The following TMEM154 variants were observed in gnomAD, a reference collection of about 807,000 sequenced individuals.
The protein encoded by TMEM154 is transmembrane protein 154.
TMEM154 carries 27 observed loss-of-function variants against 24.5 expected under a neutral mutation model. The observed-to-expected ratio is 1.10, with a 90% CI of 0.81 to 1.52. TMEM154 has a LOEUF of 1.52. TMEM154 is among the 40% of genes most tolerant of loss of function. TMEM154 has a pLI of 0.00. For missense variants in TMEM154, 228 were observed against 213.4 expected (o/e 1.07, Z -0.43); for synonymous variants, 67 against 76.8 (o/e 0.87, Z 0.67).
intron 3 of TMEM154, among the ~76,000 whole-genome samples, chr4:152,649,454 C>T (rs1029270906): frequency 5.9e-5 from 9 of 152,106 alleles, no homozygotes; most frequent in East Asian, 3.9e-4. Context: ...AATTGGTTTT[C>T]GGATTGATGT....
intron 1 of TMEM154, among the ~76,000 whole-genome samples, chr4:152,677,167 G>T (rs1728965357): frequency 6.6e-6 from 1 of 152,174 alleles, no homozygotes; most frequent in African/African-American, 2.4e-5. Context: ...TCCCAGAAAA[G>T]CTGCTTTCTT....
At chr4:152,675,310 A>G (rs773067129) in intron 1 of TMEM154, among the ~76,000 whole-genome samples, 1 of 152,106 alleles carries the variant, frequency 6.6e-6, no homozygotes, top group Non-Finnish European at 1.5e-5. Context: ...AGGGAAAAAA[A>G]CCCAAAGCAC....
intron 3 of TMEM154, among the ~76,000 whole-genome samples, chr4:152,646,068 C>T (rs1404750432): frequency 9.2e-5 from 14 of 151,964 alleles, no homozygotes; most frequent in Non-Finnish European, 1.6e-4. Context: ...CACAATTGAA[C>T]ATCCCTGCAG....
At chr4:152,652,107 A>G (rs1288367861) in intron 3 of TMEM154, among the ~76,000 whole-genome samples, 1 of 152,084 alleles carries the variant, frequency 6.6e-6, no homozygotes, top group East Asian at 1.9e-4. Context: ...TATCAAAGAT[A>G]ACTGATCACA....
intron 3 of TMEM154, among the ~76,000 whole-genome samples, chr4:152,644,905 G>A (rs1752327431): frequency 6.6e-6 from 1 of 152,050 alleles, no homozygotes; most frequent in Non-Finnish European, 1.5e-5. Context: ...TTCCATCAAG[G>A]GCTCCCCTTG....
chr4:152,629,064 G>A (rs1359932652), intron 6 of TMEM154, among the ~76,000 whole-genome samples: 3 of 152,132 alleles, frequency 2.0e-5, no homozygotes, highest in East Asian at 1.9e-4. Context: ...TGAAACGAAG[G>A]TCAGTCTAAA....
intron 1 of TMEM154, among the ~76,000 whole-genome samples, chr4:152,678,579 T>C (rs1728996385): frequency 6.6e-6 from 1 of 151,946 alleles, no homozygotes; most frequent in African/African-American, 2.4e-5. Context: ...CTCAAAGAAC[T>C]CTGGAGTAGA....
intron 1 of TMEM154, among the ~76,000 whole-genome samples, chr4:152,665,021 A>G (rs1205613441): frequency 6.6e-6 from 1 of 152,164 alleles, no homozygotes; most frequent in Non-Finnish European, 1.5e-5. Flanking sequence ...CTGCCCATAG[A>G]ATCACTGAGG....
chr4:152,631,711 G>A (rs953832331), intron 6 of TMEM154, among the ~76,000 whole-genome samples: 3 of 151,514 alleles, frequency 2.0e-5, no homozygotes, highest in African/African-American at 7.3e-5. Flanking sequence ...GGTTACAGGT[G>A]TGAGCCACCA....
At chr4:152,641,089 A>G in intron 5 of TMEM154, 104 bp from the exon 6 acceptor site, 6 of 1,086,116 alleles carry the variant, frequency 5.5e-6, no homozygotes, top group Non-Finnish European at 7.8e-6. Context: ...CTGCGTGGTT[A>G]CTTGCACAAA....
chr4:152,622,625 A>T lies in TMEM154; in HGVS notation c.*5921T>A, dbSNP rs116428017. 7 of 152,004 alleles carry T rather than the reference A, an allele frequency of 4.6e-5. No individual in the cohort carries two copies. Among genetic ancestry groups the T allele is most frequent in the Non-Finnish European group, 7.4e-5 (5 of 67,998 alleles). 9.4% of individuals were successfully genotyped at this position (152,004 alleles called of 1,614,324 possible). On this transcript the variant is annotated 3_prime_UTR_variant, in exon 7 of 7. Transcript: ENST00000304385. ...CAAATGAGCAATTTAGCACACAAAC[A>T]TGTACTTATTTTATTTAAAAAAAAA...
At chr4:152,679,815 C>T (rs1329233283) in intron 1 of TMEM154, 55 bp downstream of exon 1, 3 of 1,574,064 alleles carry the variant, frequency 1.9e-6, no homozygotes, top group South Asian at 2.3e-5. Flanking sequence ...GCCTCGGGCA[C>T]CCTACCAGCT....
chr4:152,658,072 A>G (rs1452698449), intron 1 of TMEM154, among the ~76,000 whole-genome samples: 1 of 152,220 alleles, frequency 6.6e-6, no homozygotes. Context: ...AAAAATTGAA[A>G]TCATATCAAA....
intron 3 of TMEM154, chr4:152,647,219 CT>C: frequency 2.0e-6 from 2 of 984,556 alleles, no homozygotes; most frequent in Non-Finnish European, 2.4e-6. Context: ...CTGCTTCTAA[CT>C]TCCCAGGGGA....
rs2149775546 is a variant in TMEM154, at chr4:152,624,677, G to C, written c.*3869C>G. ...AGAAGGAAATAAAACTTTGGTGCCA[G>C]ACAAGACAGTATCAAGATAAAGCCA... is the stretch of plus-strand genomic sequence containing the variant. On this transcript the variant is annotated 3_prime_UTR_variant, in exon 7 of 7. Transcript: ENST00000304385. 6.6e-6 allele frequency: 1 copy of C among 152,220 alleles called. No homozygotes were observed. The highest frequency in any genetic ancestry group is 1.5e-5 in the Non-Finnish European group (1 of 68,008). The allele number at this position is 152,220 out of a possible 1,614,324, so 9.4% of individuals were successfully genotyped here.
chr4:152,664,849 G>A (rs4437231), intron 1 of TMEM154, among the ~76,000 whole-genome samples: 1 of 152,034 alleles, frequency 6.6e-6, no homozygotes, highest in Non-Finnish European at 1.5e-5. Flanking sequence ...TCTTCCCTGC[G>A]TTGTGGAGTA....
rs1284146854 is a variant in TMEM154 at position 152,644,240 on chromosome 4, A to G, written c.392+175T>C. 3.3e-5 allele frequency among the ~76,000 whole-genome samples: 5 copies of G among 152,200 alleles called. No individual in the cohort carries two copies. In the East Asian group the frequency reaches 9.6e-4, roughly 29 times the overall value. On this transcript the variant is annotated intron_variant, in intron 4 of 6. Transcript: ENST00000304385. Reference sequence around the variant, plus strand: ...CCCAGATCACACTCACACGCTGGATAGGGTTTGGGGATGCCAGCACATCCT... The same window carrying G: ...CCCAGATCACACTCACACGCTGGATGGGGTTTGGGGATGCCAGCACATCCT...
chr4:152,628,867 G>T (rs973138897), intron 6 of TMEM154, among the ~76,000 whole-genome samples: 2 of 150,490 alleles, frequency 1.3e-5, no homozygotes, highest in Admixed American at 6.6e-5. Context: ...GGATGGTCTC[G>T]ATCTCCTGAC....
At chr4:152,640,212 C>A (rs1752229710) in intron 6 of TMEM154, among the ~76,000 whole-genome samples, 1 of 152,144 alleles carries the variant, frequency 6.6e-6, no homozygotes, top group African/African-American at 2.4e-5. Flanking sequence ...TTTCTTCTCT[C>A]CGGGTGTCCA....
Sources: gnomAD v4.1 joint callset for allele counts (sites outside exome capture counted in the v4.1 genomes callset) on GRCh38, gnomAD v4.1.1 for gene constraint, MANE v1.5 for transcripts, NCBI Gene and HGNC (gene_info 2026-07-23, HGNC 2026-07-21) for gene names.